GIGYF2: variants seen among roughly 807,000 people sequenced by gnomAD.
The protein encoded by GIGYF2 is GRB10 interacting GYF protein 2.
GIGYF2 carries 25 observed loss-of-function variants against 208.1 expected under a neutral mutation model. The observed-to-expected ratio is 0.12, with a 90% CI of 0.09 to 0.17. GIGYF2 has a LOEUF of 0.17. Among genes scored for constraint, GIGYF2 ranks in the 10% least tolerant of loss-of-function variants. The pLI is 1.00. For missense variants in GIGYF2, 1,302 were observed against 1,579.4 expected (o/e 0.82, Z 2.98); for synonymous variants, 534 against 543.8 (o/e 0.98, Z 0.25).
intron 2 of GIGYF2, among the ~76,000 whole-genome samples, chr2:232,726,529 T>C (rs1022329): frequency 0.66 from 99,630 of 151,944 alleles, 32,952 homozygotes; most frequent in South Asian, 0.79. Flanking sequence ...TTGCTTGAGC[T>C]GAGGAGTTCA....
rs186814993 is a variant in GIGYF2, at chr2:232,784,232, G to A, written c.533-2918G>A. 1.5e-4 allele frequency among the ~76,000 whole-genome samples: 23 copies of A among 152,142 alleles called. 1 individual carries two copies. Among genetic ancestry groups the A allele is most frequent in the African/African-American group, 5.5e-4 (23 of 41,512 alleles). On this transcript the variant is annotated intron_variant, in intron 8 of 28. Coordinates refer to ENST00000373563, the MANE Select transcript of GIGYF2 (RefSeq NM_001103146.3). The stretch of plus-strand genomic sequence containing the variant: ...TCTACATAATTTACTAAGAGGTCAA[G>A]GCAGAAGGATCACTTGAGGCCAGAA...
chr2:232,760,726 A>G (rs1373101136), intron 7 of GIGYF2, 135 bp downstream of exon 7: 1 of 647,336 alleles, frequency 1.5e-6, no homozygotes, highest in Non-Finnish European at 2.8e-6. Flanking sequence ...TTGAACATCA[A>G]GTTGTACATT....
intron 19 of GIGYF2, chr2:232,816,033 A>G (rs555612811): frequency 4.5e-5 from 17 of 375,816 alleles, no homozygotes; most frequent in South Asian, 3.4e-4. Flanking sequence ...TATAAGTAAC[A>G]AGAATGTGAG....
chr2:232,756,592 CA>C lies in GIGYF2; in HGVS notation c.379+259del, dbSNP rs1279165092. 8.5e-5 allele frequency among the ~76,000 whole-genome samples: 13 copies of C among 152,290 alleles called. No homozygotes were observed. The East Asian group carries it at 1.5e-3, about 18-fold the overall frequency. ...TCTAGACAGTCCCAATTCACTCCAA[CA>C]GATCCATGTTCCTCATCCCTGGAGA... On this transcript the variant is annotated intron_variant, in intron 6 of 28. Transcript: ENST00000373563.
chr2:232,811,172 G>A (rs1424789312), intron 16 of GIGYF2, 72 bp from the exon 17 acceptor site: 2 of 805,534 alleles, frequency 2.5e-6, no homozygotes, highest in African/African-American at 1.7e-5. Flanking sequence ...ATTGAACTTT[G>A]TCTTTCAGCA....
intron 2 of GIGYF2, among the ~76,000 whole-genome samples, chr2:232,714,034 A>T (rs1159511453): frequency 1.3e-5 from 2 of 148,616 alleles, no homozygotes; most frequent in African/African-American, 5.0e-5. Flanking sequence ...ACTGCAAGCT[A>T]CGCTTCCCGG....
At position 232,860,158 on chromosome 2, in the gene GIGYF2, T is replaced by G. The variant is rs1430140504; in HGVS notation, c.*3298T>G. 1 of 151,786 alleles carries G rather than the reference T, an allele frequency of 6.6e-6. No homozygotes were observed. Among genetic ancestry groups the G allele is most frequent in the Non-Finnish European group, 1.5e-5 (1 of 67,962 alleles). The allele number at this position is 151,786 out of a possible 1,614,324, so 9.4% of individuals were successfully genotyped here. A position where few individuals can be genotyped will look rare whatever the true frequency, so the allele number is the denominator to read the frequency against. On this transcript the variant is annotated 3_prime_UTR_variant, in exon 29 of 29. Transcript: ENST00000373563. ...ATTTTCATTGGCTTTAAGTTGAGGG[T>G]TTTTGTTTTTGTTTTTGTATTGGAG...
At chr2:232,831,750 G>A (rs1191446279) in intron 21 of GIGYF2, among the ~76,000 whole-genome samples, 3 of 152,152 alleles carry the variant, frequency 2.0e-5, no homozygotes, top group Non-Finnish European at 4.4e-5. Context: ...GAGTTCAGAT[G>A]TTTCACGTCA....
rs1416272608 is a variant in GIGYF2, at chr2:232,701,248, G to T, written c.-109-2176G>T. 7.2e-5 allele frequency among the ~76,000 whole-genome samples: 11 copies of T among 151,740 alleles called. No homozygotes were observed. The South Asian group carries it at 2.3e-3, about 32-fold the overall frequency. On this transcript the variant is annotated intron_variant, in intron 1 of 28. Transcript: ENST00000373563. ...TTTATATTTTCTTGTTAACTATGGG[G>T]TTTCATTAAGCTTAATTATTATTAT...
intron 28 of GIGYF2, among the ~76,000 whole-genome samples, chr2:232,852,449 G>T (rs911556891): frequency 1.3e-5 from 2 of 152,180 alleles, no homozygotes; most frequent in African/African-American, 4.8e-5. Flanking sequence ...GGAAGCTGAG[G>T]CAGGAGAATC....
At chr2:232,763,799 C>T (rs909239445) in intron 8 of GIGYF2, among the ~76,000 whole-genome samples, 2 of 151,644 alleles carry the variant, frequency 1.3e-5, no homozygotes, top group South Asian at 2.1e-4. Context: ...CCACTGCACT[C>T]CAGCCTGGCT....
At chr2:232,793,554 A>G (rs1265245658) in intron 12 of GIGYF2, among the ~76,000 whole-genome samples, 1 of 152,172 alleles carries the variant, frequency 6.6e-6, no homozygotes, top group Non-Finnish European at 1.5e-5. Context: ...TCAGTTTTGA[A>G]CACTGGTTCT....
At chr2:232,819,453 A>G (rs1701012192) in intron 20 of GIGYF2, among the ~76,000 whole-genome samples, 1 of 152,246 alleles carries the variant, frequency 6.6e-6, no homozygotes, top group East Asian at 1.9e-4. Flanking sequence ...TGCCCTCTCT[A>G]TGCCTTAAGT....
At chr2:232,827,617 G>A (rs1459628688) in intron 21 of GIGYF2, among the ~76,000 whole-genome samples, 2 of 152,062 alleles carry the variant, frequency 1.3e-5, no homozygotes, top group Admixed American at 6.6e-5. Context: ...TTTGTGTTCC[G>A]TTTATCAGTC....
At chr2:232,717,402 A>G (rs1696736357) in intron 2 of GIGYF2, among the ~76,000 whole-genome samples, 1 of 152,158 alleles carries the variant, frequency 6.6e-6, no homozygotes, top group Non-Finnish European at 1.5e-5. Flanking sequence ...TTACATGTAC[A>G]TATACATGTA....
At chr2:232,809,623 T>G (rs1234397950) in intron 15 of GIGYF2, 97 bp from the exon 16 acceptor site, 3 of 776,610 alleles carry the variant, frequency 3.9e-6, no homozygotes, top group East Asian at 4.9e-5. Flanking sequence ...GGTAAAGGTC[T>G]TAGATTCATT....
chr2:232,717,823 T>G (rs1696758781), intron 2 of GIGYF2, among the ~76,000 whole-genome samples: 1 of 151,878 alleles, frequency 6.6e-6, no homozygotes, highest in Non-Finnish European at 1.5e-5. Context: ...AAGGACTCAC[T>G]CATTACTGTG....
At chr2:232,726,858 T>C (rs926666362) in intron 2 of GIGYF2, among the ~76,000 whole-genome samples, 1 of 152,212 alleles carries the variant, frequency 6.6e-6, no homozygotes, top group Admixed American at 6.5e-5. Flanking sequence ...TACAAGTCTG[T>C]CTAGTAGAGA....
At chr2:232,856,464 C>T (rs545402288) in intron 28 of GIGYF2, among the ~76,000 whole-genome samples, 44 of 151,960 alleles carry the variant, frequency 2.9e-4, no homozygotes, top group East Asian at 2.6e-3. Flanking sequence ...CCGAGGCGGG[C>T]GGATCATTTG....
Sources: gnomAD v4.1 joint callset for allele counts (sites outside exome capture counted in the v4.1 genomes callset) on GRCh38, gnomAD v4.1.1 for gene constraint, MANE v1.5 for transcripts, NCBI Gene and HGNC (gene_info 2026-07-23, HGNC 2026-07-21) for gene names.